TIAM1: variants seen among roughly 807,000 people sequenced by gnomAD.
TIAM1 encodes the protein TIAM Rac1 associated GEF 1.
Under a neutral mutation model 163.5 loss-of-function variants are expected in TIAM1, and 65 were observed. The observed-to-expected ratio is 0.40, with a 90% confidence interval of 0.33 to 0.49. The LOEUF (loss-of-function observed/expected upper bound fraction) is 0.49, where lower values mean the gene tolerates loss of function less well. Ranked by LOEUF, TIAM1 falls within the 20% of genes least tolerant of loss-of-function variation. The pLI is 0.77. For synonymous variants in TIAM1, 833 were observed against 810.1 expected, an observed-to-expected ratio of 1.03 and a Z score of -0.48; for missense variants, 1,789 against 2,044.7, an observed-to-expected ratio of 0.87 and a Z score of 2.41.
intron 26 of TIAM1, among the ~76,000 whole-genome samples, chr21:31,125,093 C>T (rs1015034741): frequency 2.6e-5 from 4 of 152,080 alleles, no homozygotes; most frequent in East Asian, 1.9e-4. Context: ...GACGTCTCAA[C>T]GTCCTAATGT....
At position 31,378,587 on chromosome 21, in the gene TIAM1, C is replaced by T. The variant is rs1248388835; in HGVS notation, c.-368-39165G>A. ...TCCAAAGGGCATTTTAGTATCTTAA[C>T]CCTCAAGGCTTTTAACCATTTTACT... On this transcript the variant is annotated intron_variant, in intron 2 of 28. Coordinates refer to the TIAM1 transcript ENST00000286827. 7.9e-5 allele frequency among the ~76,000 whole-genome samples: 12 copies of T among 152,284 alleles called. No individual in the cohort carries two copies. In the South Asian group the frequency reaches 2.5e-3, roughly 32 times the overall value.
rs533083014 is a variant in TIAM1, at chr21:31,193,435, ACT to A, written c.2575+1787_2575+1788del. Among the ~76,000 whole-genome samples the A allele has an allele frequency of 9.2e-5, 14 of 152,098 alleles. No homozygotes were observed. The East Asian group carries it at 2.7e-3, about 30-fold the overall frequency. ...CTCCCCAGAAAAGCCCTGGGCACTG[ACT>A]CTCTAACCACCTTCCCTAGGAGAGA... On this transcript the variant is annotated intron_variant, in intron 13 of 27. Transcript: ENST00000541036.
chr21:31,371,013 C>T (rs1026337055), intron 2 of TIAM1, among the ~76,000 whole-genome samples: 10 of 152,246 alleles, frequency 6.6e-5, no homozygotes, highest in African/African-American at 1.9e-4. Context: ...CAACTCAGTG[C>T]CAACCTCCAG....
intron 9 of TIAM1, among the ~76,000 whole-genome samples, chr21:31,216,784 G>A (rs945375211): frequency 6.6e-6 from 1 of 152,018 alleles, no homozygotes; most frequent in Admixed American, 6.6e-5. Context: ...GAGCTCTCTC[G>A]GATTCCTGTC....
rs1335175583 is a variant in TIAM1 at position 31,275,630 on chromosome 21, A to G, written c.-12+1102T>C. ...CTTCTCATTTTATTATAAAATCTCAATGGCAGAAACCATCTCTTACTTGTG... is the reference window on the plus strand; with the variant it reads ...CTTCTCATTTTATTATAAAATCTCAGTGGCAGAAACCATCTCTTACTTGTG... On this transcript the variant is annotated intron_variant, in intron 3 of 27. Transcript: ENST00000541036. 3.3e-5 allele frequency among the ~76,000 whole-genome samples: 5 copies of G among 152,214 alleles called. No homozygotes were observed. In the East Asian group the frequency reaches 9.6e-4, roughly 29 times the overall value.
At chr21:31,494,611 G>A (rs1319798163) in intron 1 of TIAM1, among the ~76,000 whole-genome samples, 10 of 152,286 alleles carry the variant, frequency 6.6e-5, no homozygotes, top group East Asian at 3.9e-4. Context: ...TTGGGAGGCC[G>A]AGGCAGGTGG....
chr21:31,268,160 C>G (rs1033040023), intron 3 of TIAM1, among the ~76,000 whole-genome samples: 1 of 152,096 alleles, frequency 6.6e-6, no homozygotes, highest in Admixed American at 6.6e-5. Context: ...TTCTTTTAAC[C>G]ACCTATAGAG....
chr21:31,242,285 T>G (rs184866868), intron 6 of TIAM1, among the ~76,000 whole-genome samples: 3 of 151,924 alleles, frequency 2.0e-5, no homozygotes, highest in Admixed American at 1.3e-4. Context: ...TTTAGGAGGC[T>G]GAGGCAGGAA....
chr21:31,269,844 T>G (rs542836767), intron 3 of TIAM1, among the ~76,000 whole-genome samples: 2 of 152,214 alleles, frequency 1.3e-5, no homozygotes, highest in South Asian at 4.1e-4. Flanking sequence ...GCTAATTTTT[T>G]GTATTTTTAT....
At chr21:31,356,271 A>G (rs906376227) in intron 2 of TIAM1, among the ~76,000 whole-genome samples, 4 of 152,248 alleles carry the variant, frequency 2.6e-5, no homozygotes, top group African/African-American at 9.6e-5. Context: ...AGGATGTTCA[A>G]GACACTGCAT....
chr21:31,455,279 CAAAA>C (rs59134253), intron 2 of TIAM1, among the ~76,000 whole-genome samples: 30 of 84,028 alleles, frequency 3.6e-4, no homozygotes, highest in Non-Finnish European at 4.7e-4. Context: ...AACTCTGCCT[CAAAA>C]AAAAAAAAAA....
chr21:31,127,892 G>A (rs1044041255), intron 25 of TIAM1, among the ~76,000 whole-genome samples: 1 of 152,280 alleles, frequency 6.6e-6, no homozygotes, highest in Non-Finnish European at 1.5e-5. Flanking sequence ...CTTCCCCCAG[G>A]TGGCTGGGCC....
intron 6 of TIAM1, among the ~76,000 whole-genome samples, chr21:31,231,520 G>C (rs2088429325): frequency 6.6e-6 from 1 of 152,174 alleles, no homozygotes; most frequent in Non-Finnish European, 1.5e-5. Flanking sequence ...ATGTCAGAGA[G>C]TTCACGTTTG....
rs8130113 is a variant in TIAM1 at position 31,226,899 on chromosome 21, G to A, written c.1585-949C>T. 8.8e-3 allele frequency among the ~76,000 whole-genome samples: 1,326 copies of A among 150,306 alleles called. 16 individuals are homozygous for A. Among genetic ancestry groups the A allele is most frequent in the African/African-American group, 0.031 (1,255 of 40,892 alleles). On this transcript the variant is annotated intron_variant, in intron 6 of 27. Coordinates refer to ENST00000541036, the MANE Select transcript of TIAM1 (RefSeq NM_001353694.2). ...TTCATTGTTTTTTCTCCTTTGAAGC[G>A]CCTTCTTAGTTTTCTAACTAATTTG...
At chr21:31,365,387 C>CTTTCTT (rs1555956902) in intron 2 of TIAM1, among the ~76,000 whole-genome samples, 6 of 128,782 alleles carry the variant, frequency 4.7e-5, no homozygotes, top group East Asian at 4.8e-4. Flanking sequence ...TTATTTCTTT[C>CTTTCTT]TTTTTTTTTT....
rs67520058 is a variant in TIAM1, at chr21:31,228,077, ATT to A, written c.1585-2129_1585-2128del. Among the ~76,000 whole-genome samples the A allele has an allele frequency of 9.0e-3, 1,196 of 133,056 alleles. 8 individuals carry two copies. The highest frequency in any genetic ancestry group is 0.03 in the African/African-American group (1,098 of 37,218). 87.3% of individuals were successfully genotyped at this position (133,056 alleles called of 152,430 possible). On this transcript the variant is annotated intron_variant, in intron 6 of 27. Coordinates refer to ENST00000541036, the MANE Select transcript of TIAM1 (RefSeq NM_001353694.2). ...GCCACCACGCCCAGCTAATTTTTGT[ATT>A]TTTTTTTTTTTTTAGTAGAGATGGG...
At chr21:31,452,600 G>C in intron 2 of TIAM1, 1 of 564,846 alleles carries the variant, frequency 1.8e-6, no homozygotes. Flanking sequence ...ATAGCACTAA[G>C]TTATGTGCAC....
chr21:31,537,489 T>C (rs2048176759), intron 1 of TIAM1, among the ~76,000 whole-genome samples: 1 of 150,076 alleles, frequency 6.7e-6, no homozygotes, highest in Non-Finnish European at 1.5e-5. Context: ...CAGTGGCTCA[T>C]GCCTGTTATC....
At chr21:31,367,475 C>G (rs977102446) in intron 2 of TIAM1, among the ~76,000 whole-genome samples, 2 of 152,110 alleles carry the variant, frequency 1.3e-5, no homozygotes, top group African/African-American at 2.4e-5. Flanking sequence ...CATTTGGATT[C>G]TTTTTTTCTT....
Sources: gnomAD v4.1 joint callset for allele counts (sites outside exome capture counted in the v4.1 genomes callset) on GRCh38, gnomAD v4.1.1 for gene constraint, MANE v1.5 for transcripts, NCBI Gene and HGNC (gene_info 2026-07-23, HGNC 2026-07-21) for gene names.